The following CNTLN variants were observed in gnomAD, a reference collection of about 807,000 sequenced individuals.
CNTLN encodes centlein, centrosomal protein.
A neutral mutation model predicts 180.0 loss-of-function variants in CNTLN; 212 were observed. The observed-to-expected ratio is 1.18, with a 90% CI of 1.05 to 1.32. The LOEUF (loss-of-function observed/expected upper bound fraction) is 1.32. CNTLN is among the 40% of genes most tolerant of loss of function. The probability of loss-of-function intolerance (pLI) is 0.00; values close to 1 mark genes in which losing one functional copy is unlikely to be tolerated. For missense variants in CNTLN, 2,095 were observed against 1,610.9 expected, an observed-to-expected ratio of 1.30 and a Z score of -5.14; for synonymous variants, 722 against 563.1, an observed-to-expected ratio of 1.28 and a Z score of -3.99.
intron 10 of CNTLN, among the ~76,000 whole-genome samples, chr9:17,336,268 A>G (rs1265696013): frequency 2.0e-5 from 3 of 152,198 alleles, no homozygotes; most frequent in African/African-American, 7.2e-5. Context: ...TAAAGAAAGT[A>G]TTTGGATATT....
At chr9:17,224,611 T>A (rs754688251) in intron 2 of CNTLN, among the ~76,000 whole-genome samples, 12 of 152,032 alleles carry the variant, frequency 7.9e-5, no homozygotes, top group Non-Finnish European at 1.6e-4. Flanking sequence ...ATTTCACTAA[T>A]CTCTTTTTGT....
At chr9:17,446,035 C>G (rs977411570) in intron 18 of CNTLN, among the ~76,000 whole-genome samples, 6 of 152,170 alleles carry the variant, frequency 3.9e-5, no homozygotes, top group South Asian at 2.1e-4. Flanking sequence ...GCACTTAATC[C>G]TTTACATTGT....
Position 17,360,493 on chromosome 9 carries a change from G to C in CNTLN, c.1887-6124G>C, listed in dbSNP as rs532175611. On this transcript the variant is annotated intron_variant, in intron 12 of 25. Transcript: ENST00000380647. The stretch of plus-strand genomic sequence containing the variant: ...GCTAGGGTGATCAGATACAGCCTAG[G>C]GGGTGGTGGAGGATGAGGAACCCAG... Among the ~76,000 whole-genome samples, 6 of 152,290 alleles carry C rather than the reference G, an allele frequency of 3.9e-5. No homozygotes were observed. In the East Asian group the frequency reaches 1.2e-3, roughly 29 times the overall value.
chr9:17,418,528 T>G (rs1339464457), intron 18 of CNTLN, among the ~76,000 whole-genome samples: 1 of 152,036 alleles, frequency 6.6e-6, no homozygotes, highest in Non-Finnish European at 1.5e-5. Context: ...TTGGGTAGTA[T>G]CTGTTGATTT....
intron 8 of CNTLN, among the ~76,000 whole-genome samples, chr9:17,312,387 T>TATA (rs1554686030): frequency 1.9e-5 from 2 of 104,906 alleles, no homozygotes; most frequent in Non-Finnish European, 4.2e-5. Flanking sequence ...TATATATAAT[T>TATA]TATTTATTTA....
Position 17,466,023 on chromosome 9 carries a change from A to G in CNTLN, c.3574A>G (p.Ile1192Val), listed in dbSNP as rs754951628. The G allele has an allele frequency of 5.6e-6, 9 of 1,605,936 alleles. No individual in the cohort carries two copies. Among genetic ancestry groups the G allele is most frequent in the Non-Finnish European group, 7.7e-6 (9 of 1,174,176 alleles). The change falls in exon 22 of 26, where the codon ATT becomes GTT. Residue 1192 changes from isoleucine (I) to valine (V), a missense_variant. Coordinates refer to ENST00000380647, the MANE Select transcript of CNTLN (RefSeq NM_017738.4). ...TEECSNKKVS[I>V]DSLKQRLNVA... ...AGAATGTTCCAACAAGAAGGTATCA[A>G]TTGATTCACTAAAGCAAAGACTTAA... is the stretch of plus-strand genomic sequence containing the variant.
At chr9:17,435,852 C>T (rs1336556535) in intron 18 of CNTLN, among the ~76,000 whole-genome samples, 1 of 152,160 alleles carries the variant, frequency 6.6e-6, no homozygotes, top group Middle Eastern at 3.2e-3. Flanking sequence ...TGTAAGCCAT[C>T]GTGCCCGGCC....
downstream of CNTLN, among the ~76,000 whole-genome samples, chr9:17,508,719 A>G (rs148208888): frequency 5.9e-5 from 9 of 152,352 alleles, no homozygotes; most frequent in East Asian, 1.5e-3. Flanking sequence ...CTTGAAATCC[A>G]TCTAAATCAT....
chr9:17,259,609 C>G (rs1303479343), intron 5 of CNTLN, among the ~76,000 whole-genome samples: 2 of 150,794 alleles, frequency 1.3e-5, no homozygotes, highest in African/African-American at 5.0e-5. Context: ...TGGTCCTGGA[C>G]TCTTTTTTGT....
Position 17,502,545 on chromosome 9 carries a change from T to C in CNTLN, c.4120-6T>C, listed in dbSNP as rs1474511162. ...TTTAATAATCTTTTTTGTGTTTCTT[T>C]TACAGCTTCCTTTTGCCTCATATTT... On this transcript the variant is annotated splice_region_variant and splice_polypyrimidine_tract_variant and intron_variant, in intron 25 of 25. Coordinates refer to ENST00000380647, the MANE Select transcript of CNTLN (RefSeq NM_017738.4). 1 of 1,295,544 alleles carries C rather than the reference T, an allele frequency of 7.7e-7. No individual in the cohort carries two copies. The allele number at this position is 1,295,544 out of a possible 1,614,324, so 80.3% of individuals were successfully genotyped here.
chr9:17,375,873 T>G (rs1005119423), intron 13 of CNTLN, among the ~76,000 whole-genome samples: 2 of 152,218 alleles, frequency 1.3e-5, no homozygotes, highest in East Asian at 1.9e-4. Context: ...CTATATTTCG[T>G]ATATAACTTC....
At position 17,342,367 on chromosome 9, in the gene CNTLN, T is replaced by G; in HGVS notation, c.1809T>G (p.Leu603=). The change falls in exon 12 of 26, where the codon CTT becomes CTG. Residue 603 remains leucine, a synonymous_variant. Transcript: ENST00000380647. The stretch of plus-strand genomic sequence containing the variant: ...TAAAGAGAGCAGATCCCCAACAACT[T>G]CGACAAGAAGATTCTGACGCTGTGT... ...RKIKRADPQQ[L]RQEDSDAVWN... is the part of the protein sequence containing the mutation. The G allele has an allele frequency of 1.2e-6, 2 of 1,612,278 alleles. No homozygotes were observed. The highest frequency in any genetic ancestry group is 2.2e-5 in the South Asian group (2 of 90,446).
intron 2 of CNTLN, among the ~76,000 whole-genome samples, chr9:17,198,886 T>C (rs1051072649): frequency 6.6e-6 from 1 of 152,150 alleles, no homozygotes; most frequent in Non-Finnish European, 1.5e-5. Flanking sequence ...TTCATAGTAT[T>C]CTATGGTGTA....
chr9:17,245,605 C>G (rs899497170), intron 5 of CNTLN, among the ~76,000 whole-genome samples: 1 of 152,062 alleles, frequency 6.6e-6, no homozygotes, highest in Non-Finnish European at 1.5e-5. Context: ...GGGATGTTCT[C>G]TGATATTATC....
rs538014562 is a variant in CNTLN at position 17,309,133 on chromosome 9, C to A, written c.1222C>A (p.Leu408Ile). The change falls in exon 8 of 26, where the codon CTT (leucine) becomes ATT (isoleucine). Residue 408 changes from leucine (L) to isoleucine (I), a missense_variant. Physicochemically the swap from Leu to Ile is conservative, Grantham distance 5 (BLOSUM62 2). Coordinates refer to ENST00000380647, the MANE Select transcript of CNTLN (RefSeq NM_017738.4). ...TATGCTCCGGCAAAGTGTTACTAAT[C>A]TTCAGGATCAGCTATTACAAAAAGA... is the stretch of plus-strand genomic sequence containing the variant. ...EAMLRQSVTNLQDQLLQKEQE... is the reference protein window; with the variant it reads ...EAMLRQSVTNIQDQLLQKEQE... The A allele has an allele frequency of 1.1e-4, 170 of 1,610,118 alleles. 2 individuals carry two copies. In the South Asian group the frequency reaches 1.7e-3, roughly 16 times the overall value.
intron 7 of CNTLN, chr9:17,298,564 T>C: frequency 8.2e-7 from 1 of 1,214,752 alleles, no homozygotes; most frequent in Non-Finnish European, 1.0e-6. Flanking sequence ...TCACTTAAAA[T>C]ATAGATACAA....
At chr9:17,398,116 A>G (rs960267528) in intron 15 of CNTLN, among the ~76,000 whole-genome samples, 12 of 152,182 alleles carry the variant, frequency 7.9e-5, no homozygotes, top group African/African-American at 2.9e-4. Flanking sequence ...AGTATTTACA[A>G]GAGCATGCCT....
rs577779974 is a variant in CNTLN at position 17,210,109 on chromosome 9, A to G, written c.450-16094A>G. On this transcript the variant is annotated intron_variant, in intron 2 of 25. Transcript: ENST00000380647. ...TTTAAGTTCTGGGGTACATGTGCAC[A>G]ACGTGCAGGTTTGTTACATATGTAT... Among the ~76,000 whole-genome samples, 46 of 152,246 alleles carry G rather than the reference A, an allele frequency of 3.0e-4. 1 individual carries two copies. Among genetic ancestry groups the G allele is most frequent in the African/African-American group, 1.1e-3 (45 of 41,544 alleles).
rs79704154 is a variant in CNTLN at position 17,233,826 on chromosome 9, A to G, written c.535-1832A>G. 3.9e-3 allele frequency among the ~76,000 whole-genome samples: 590 copies of G among 152,272 alleles called. 3 individuals are homozygous for G. The highest frequency in any genetic ancestry group is 0.013 in the African/African-American group (526 of 41,552). On this transcript the variant is annotated intron_variant, in intron 3 of 25. Coordinates refer to ENST00000380647, the MANE Select transcript of CNTLN (RefSeq NM_017738.4). ...TATGATTTAAGTTCAGAAGTAAGCA[A>G]AACTATACAGCATATTAAATAGGGA... is the stretch of plus-strand genomic sequence containing the variant.
Sources: gnomAD v4.1 joint callset for allele counts (sites outside exome capture counted in the v4.1 genomes callset) on GRCh38, gnomAD v4.1.1 for gene constraint, MANE v1.5 for transcripts, NCBI Gene and HGNC (gene_info 2026-07-23, HGNC 2026-07-21) for gene names.